Variants in WNT7B observed in about 807,000 individuals in gnomAD.
The protein encoded by WNT7B is protein Wnt-7b.
A neutral mutation model predicts 38.2 loss-of-function variants in WNT7B; 19 were observed. That is an observed-to-expected ratio of 0.50 (90% CI 0.35 to 0.73). WNT7B has a LOEUF of 0.73. WNT7B is among the 30% of genes least tolerant of loss of function. WNT7B has a pLI of 0.01. For missense variants in WNT7B, 423 were observed against 507.9 expected (o/e 0.83, Z 1.61); for synonymous variants, 243 against 209.3 (o/e 1.16, Z -1.39).
intron 1 of WNT7B, among the ~76,000 whole-genome samples, chr22:45,960,693 T>A (rs973378343): frequency 6.6e-6 from 1 of 152,232 alleles, no homozygotes; most frequent in East Asian, 1.9e-4. Context: ...GTTCCAATTA[T>A]CTGTGATCAG....
At chr22:45,929,926 A>ACTCATCCTTCCG in intron 3 of WNT7B, among the ~76,000 whole-genome samples, 1 of 143,042 alleles carries the variant, frequency 7.0e-6, no homozygotes, top group African/African-American at 2.6e-5. Flanking sequence ...CTATCCTCCC[A>ACTCATCCTTCCG]TCCACCCACT....
chr22:45,927,759 A>G (rs1414979011), intron 3 of WNT7B, among the ~76,000 whole-genome samples: 1 of 152,214 alleles, frequency 6.6e-6, no homozygotes, highest in Admixed American at 6.5e-5. Flanking sequence ...AGCTGGGCAC[A>G]GTGGCACACG....
chr22:45,950,106 A>G lies in WNT7B; in HGVS notation c.112T>C (p.Cys38Arg). The change falls in exon 2 of 4, where the codon TGC (cysteine) becomes CGC (arginine). Residue 38 changes from cysteine to arginine, a missense_variant. Cys to Arg is a radical substitution (Grantham distance 180, BLOSUM62 -3). Around this residue, in one of 3 missense-constraint regions of WNT7B, gnomAD observed 133 missense variants for 179.8 expected, o/e 0.74. Coordinates refer to ENST00000339464, the MANE Select transcript of WNT7B (RefSeq NM_058238.3). ...SVVALGANIICNKIPGLAPRQ... is the reference protein window; with the variant it reads ...SVVALGANIIRNKIPGLAPRQ... ...GGGGCTAGGCCAGGAATCTTGTTGC[A>G]GATGATGTTGGCTCCCAGGGCCACC... 3.1e-6 allele frequency: 5 copies of G among 1,614,044 alleles called. No individual in the cohort carries two copies. The highest frequency in any genetic ancestry group is 4.2e-6 in the Non-Finnish European group (5 of 1,180,038).
chr22:45,960,021 G>A (rs1421138472), intron 1 of WNT7B, among the ~76,000 whole-genome samples: 1 of 152,146 alleles, frequency 6.6e-6, no homozygotes, highest in Non-Finnish European at 1.5e-5. Flanking sequence ...AGATCAGAAA[G>A]GCTTTCCCCA....
At chr22:45,968,974 C>A (rs1932369903) in intron 1 of WNT7B, among the ~76,000 whole-genome samples, 1 of 152,252 alleles carries the variant, frequency 6.6e-6, no homozygotes, top group African/African-American at 2.4e-5. Context: ...TAGACGCAGA[C>A]CCTCCAGGCT....
chr22:45,935,288 C>T (rs755279400), intron 2 of WNT7B, among the ~76,000 whole-genome samples: 6 of 152,200 alleles, frequency 3.9e-5, no homozygotes, highest in East Asian at 1.9e-4. Flanking sequence ...GCCTCTGAGA[C>T]GACTTCCAGT....
rs915614663 is a variant in WNT7B, at chr22:45,922,204, C to G, written c.*652G>C. On this transcript the variant is annotated 3_prime_UTR_variant, in exon 4 of 4. Coordinates refer to ENST00000339464, the MANE Select transcript of WNT7B (RefSeq NM_058238.3). ...CCTGCAGGCACCGCGTGGTCCCCAT[C>G]AACCCCAGGCTGCCTCAGCTCTGCA... 1 of 152,814 alleles carries G rather than the reference C, an allele frequency of 6.5e-6. No homozygotes were observed. The highest frequency in any genetic ancestry group is 1.5e-5 in the Non-Finnish European group (1 of 68,510). The allele number at this position is 152,814 out of a possible 1,614,324, so 9.5% of individuals were successfully genotyped here. A position where few individuals can be genotyped will look rare whatever the true frequency, so the allele number is the denominator to read the frequency against.
At chr22:45,974,898 C>G (rs1932520497) in intron 1 of WNT7B, among the ~76,000 whole-genome samples, 1 of 152,128 alleles carries the variant, frequency 6.6e-6, no homozygotes, top group African/African-American at 2.4e-5. Flanking sequence ...AGACCTCAAG[C>G]CCTGGAAGCA....
At position 45,922,601 on chromosome 22, in the gene WNT7B, C is replaced by A. The variant is rs2146700840; in HGVS notation, c.*255G>T. 1.8e-6 allele frequency: 1 copy of A among 560,204 alleles called. No homozygotes were observed. The highest frequency in any genetic ancestry group is 3.1e-6 in the Non-Finnish European group (1 of 324,342). 34.7% of individuals were successfully genotyped at this position (560,204 alleles called of 1,614,324 possible). A position where few individuals can be genotyped will look rare whatever the true frequency, so the allele number is the denominator to read the frequency against. ...GGGCCCCGTCGGGGAGCACCAAGACCCCTGGCCTTGCTCTCTGGGTGGGTC... is the reference window on the plus strand; with the variant it reads ...GGGCCCCGTCGGGGAGCACCAAGACACCTGGCCTTGCTCTCTGGGTGGGTC... On this transcript the variant is annotated 3_prime_UTR_variant, in exon 4 of 4. Transcript: ENST00000339464.
At chr22:45,972,831 C>G (rs1011060799) in intron 1 of WNT7B, 1 of 152,468 alleles carries the variant, frequency 6.6e-6, no homozygotes, top group East Asian at 1.9e-4. Flanking sequence ...GGGCTGTGCT[C>G]GGCAACGTAT....
intron 2 of WNT7B, among the ~76,000 whole-genome samples, chr22:45,933,834 G>C (rs892686822): frequency 6.6e-6 from 1 of 152,216 alleles, no homozygotes; most frequent in Non-Finnish European, 1.5e-5. Context: ...GCTGTGGAAG[G>C]GTTTGGTGAG....
intron 2 of WNT7B, among the ~76,000 whole-genome samples, chr22:45,948,580 C>G (rs79894303): frequency 0.064 from 9,669 of 152,246 alleles, 987 homozygotes; most frequent in African/African-American, 0.22. Context: ...GCCTGGCACT[C>G]TGCCAGTTAT....
chr22:45,926,565 G>A (rs1004322460), intron 3 of WNT7B: 6 of 985,304 alleles, frequency 6.1e-6, no homozygotes, highest in African/African-American at 3.5e-5. Flanking sequence ...CCAGGAGCCT[G>A]GCGTCCGATA....
At chr22:45,934,087 G>A (rs142538493) in intron 2 of WNT7B, among the ~76,000 whole-genome samples, 5 of 152,244 alleles carry the variant, frequency 3.3e-5, no homozygotes, top group Non-Finnish European at 5.9e-5. Flanking sequence ...TCACCTGGAC[G>A]TTAGGATGAG....
At chr22:45,926,975 G>A (rs1569109468) in intron 3 of WNT7B, 1 of 985,334 alleles carries the variant, frequency 1.0e-6, no homozygotes, top group Non-Finnish European at 1.2e-6. Context: ...AGCTAAGGGG[G>A]TTCCCACCCC....
intron 3 of WNT7B, 64 bp downstream of exon 3, chr22:45,931,015 AAGAGGAGCCTGAGGCTCCG>A (rs1931331972): frequency 1.4e-6 from 2 of 1,457,672 alleles, no homozygotes; most frequent in Non-Finnish European, 1.8e-6. Flanking sequence ...CTTCTGCTAG[AAGAGGAGCCTGAGGCTCCG>A]AGAGGTCAGC....
chr22:45,937,975 C>T (rs1931552783), intron 2 of WNT7B, among the ~76,000 whole-genome samples: 2 of 152,032 alleles, frequency 1.3e-5, no homozygotes, highest in South Asian at 4.1e-4. Context: ...CGCCATTGCA[C>T]TCCAGCCTGG....
chr22:45,959,324 C>T (rs1932142641), intron 1 of WNT7B, among the ~76,000 whole-genome samples: 1 of 152,142 alleles, frequency 6.6e-6, no homozygotes, highest in Non-Finnish European at 1.5e-5. Flanking sequence ...GCTTGCACCC[C>T]CACTTCACAT....
At chr22:45,972,116 G>GGGGCGCC in intron 1 of WNT7B, 1 of 530,746 alleles carries the variant, frequency 1.9e-6, no homozygotes. Flanking sequence ...CCCGGGGGGA[G>GGGGCGCC]CCCACCCGCC....
Sources: allele counts gnomAD v4.1 joint callset (sites outside exome capture counted in the v4.1 genomes callset), GRCh38; gene constraint gnomAD v4.1.1; regional missense constraint gnomAD v4.1.1; transcripts MANE v1.5; gene names NCBI Gene and HGNC (gene_info 2026-07-23, HGNC 2026-07-21).